Variants in ZBTB20 observed in about 807,000 individuals in gnomAD.
ZBTB20 encodes the protein zinc finger and BTB domain-containing protein 20.
Under a neutral mutation model 56.9 loss-of-function variants are expected in ZBTB20, and 9 were observed. The observed-to-expected ratio is 0.16, with a 90% CI of 0.10 to 0.28. The LOEUF (loss-of-function observed/expected upper bound fraction) is 0.28. ZBTB20 is among the 10% of genes least tolerant of loss of function. The probability of loss-of-function intolerance (pLI) is 1.00; values close to 1 mark genes in which losing one functional copy is unlikely to be tolerated. For synonymous variants in ZBTB20, 417 were observed against 420.7 expected (o/e 0.99, Z 0.11); for missense variants, 655 against 1,003.0 (o/e 0.65, Z 4.69).
At chr3:114,570,379 T>C (rs1224736249) in intron 6 of ZBTB20, among the ~76,000 whole-genome samples, 1 of 151,158 alleles carries the variant, frequency 6.6e-6, no homozygotes, top group Admixed American at 6.6e-5. Context: ...ATAAATACAG[T>C]ATGAAATACA....
At chr3:114,371,841 C>T (rs539410089) in intron 10 of ZBTB20, among the ~76,000 whole-genome samples, 3 of 151,654 alleles carry the variant, frequency 2.0e-5, no homozygotes, top group South Asian at 2.1e-4. Flanking sequence ...TTTAATCTTG[C>T]ACTGCTGATA....
chr3:114,693,705 G>A (rs1388863712), intron 5 of ZBTB20, 130 bp from the exon 6 acceptor site: 1 of 152,076 alleles, frequency 6.6e-6, no homozygotes, highest in African/African-American at 2.4e-5. Context: ...TATATAAAAA[G>A]TAAAGGATGT....
intron 4 of ZBTB20, among the ~76,000 whole-genome samples, chr3:114,890,601 G>C (rs989099103): frequency 4.6e-5 from 7 of 152,116 alleles, no homozygotes; most frequent in Non-Finnish European, 7.3e-5. Context: ...GGCCTGTCCT[G>C]GGGTGGGGAG....
intron 7 of ZBTB20, among the ~76,000 whole-genome samples, chr3:114,417,879 T>C (rs1409547605): frequency 1.3e-5 from 2 of 152,092 alleles, no homozygotes; most frequent in Non-Finnish European, 2.9e-5. Flanking sequence ...AAACTAATGA[T>C]GCAAACCAGA....
rs140803602 is a variant in ZBTB20 at position 114,767,244 on chromosome 3, T to A, written c.-343+33857A>T. ...GTTAAAAACGAAGATAAGGAATAGG[T>A]TTTGCATAGATACTACCTTTTTTCC... is the stretch of plus-strand genomic sequence containing the variant. On this transcript the variant is annotated intron_variant, in intron 5 of 11. Coordinates refer to ENST00000675478, the MANE Select transcript of ZBTB20 (RefSeq NM_001348800.3). Among the ~76,000 whole-genome samples, 14 of 152,138 alleles carry A rather than the reference T, an allele frequency of 9.2e-5. No individual in the cohort carries two copies. The East Asian group carries it at 2.7e-3, about 29-fold the overall frequency.
chr3:114,553,506 T>C (rs1335081747), intron 6 of ZBTB20, among the ~76,000 whole-genome samples: 1 of 152,158 alleles, frequency 6.6e-6, no homozygotes, highest in Non-Finnish European at 1.5e-5. Flanking sequence ...CCTTTTCTGA[T>C]GCTATAGAGA....
chr3:114,597,308 T>A (rs371920922), intron 6 of ZBTB20, among the ~76,000 whole-genome samples: 1 of 152,178 alleles, frequency 6.6e-6, no homozygotes, highest in Non-Finnish European at 1.5e-5. Flanking sequence ...CAGGAAAATA[T>A]ACGAGTCAGT....
At chr3:114,564,583 T>C (rs986407250) in intron 6 of ZBTB20, among the ~76,000 whole-genome samples, 2 of 152,226 alleles carry the variant, frequency 1.3e-5, no homozygotes, top group Non-Finnish European at 2.9e-5. Context: ...CTTTGGTTTG[T>C]AGAACCAGAT....
chr3:114,414,681 T>G (rs996518221), intron 7 of ZBTB20, among the ~76,000 whole-genome samples: 4 of 149,228 alleles, frequency 2.7e-5, no homozygotes, highest in Non-Finnish European at 4.4e-5. Context: ...GTTATTTTTA[T>G]ATGAAACAAC....
intron 8 of ZBTB20, among the ~76,000 whole-genome samples, chr3:114,384,678 C>T (rs1287113097): frequency 6.6e-6 from 1 of 152,186 alleles, no homozygotes; most frequent in Non-Finnish European, 1.5e-5. Flanking sequence ...CCAGCAGAGC[C>T]TTCTGGTTTT....
intron 6 of ZBTB20, among the ~76,000 whole-genome samples, chr3:114,632,459 C>T (rs780114385): frequency 7.2e-5 from 11 of 152,102 alleles, no homozygotes; most frequent in Non-Finnish European, 4.4e-5. Context: ...TTTTAGTTTG[C>T]CCTTCTGTTC....
intron 4 of ZBTB20, among the ~76,000 whole-genome samples, chr3:114,845,641 A>C (rs1390279992): frequency 6.6e-6 from 1 of 151,808 alleles, no homozygotes; most frequent in Non-Finnish European, 1.5e-5. Flanking sequence ...TGTCCCCAAA[A>C]CCATTATCTG....
At chr3:114,968,305 A>G (rs2077732710) in intron 3 of ZBTB20, among the ~76,000 whole-genome samples, 1 of 152,224 alleles carries the variant, frequency 6.6e-6, no homozygotes, top group Non-Finnish European at 1.5e-5. Flanking sequence ...AAAAGGTCAA[A>G]CCTTATAATT....
chr3:114,789,088 G>T (rs887544410), intron 5 of ZBTB20, among the ~76,000 whole-genome samples: 1 of 152,088 alleles, frequency 6.6e-6, no homozygotes, highest in African/African-American at 2.4e-5. Context: ...ACCATATCAG[G>T]GGACCTTTCA....
At chr3:114,953,914 T>C (rs2077159715) in intron 3 of ZBTB20, among the ~76,000 whole-genome samples, 1 of 152,130 alleles carries the variant, frequency 6.6e-6, no homozygotes, top group Non-Finnish European at 1.5e-5. Flanking sequence ...ATTTTTAGGT[T>C]AACATGAGTA....
At chr3:114,832,058 T>C (rs186543108) in intron 4 of ZBTB20, among the ~76,000 whole-genome samples, 104 of 152,244 alleles carry the variant, frequency 6.8e-4, no homozygotes, top group Non-Finnish European at 1.4e-3. Context: ...TGAGAGTCTA[T>C]AGACAGGTCT....
At chr3:114,883,916 C>CTTTTTTTTTTTTT (rs869141975) in intron 4 of ZBTB20, among the ~76,000 whole-genome samples, 1 of 89,774 alleles carries the variant, frequency 1.1e-5, no homozygotes, top group African/African-American at 4.0e-5. Flanking sequence ...ATGGTGTGTT[C>CTTTTTTTTTTTTT]TTTTTTTTTT....
At chr3:115,039,432 G>C (rs763893221) in intron 2 of ZBTB20, among the ~76,000 whole-genome samples, 1 of 151,944 alleles carries the variant, frequency 6.6e-6, no homozygotes, top group Non-Finnish European at 1.5e-5. Flanking sequence ...GAGAATACTA[G>C]ATACAGGTTT....
chr3:115,025,383 AT>A (rs1304281912), intron 2 of ZBTB20, among the ~76,000 whole-genome samples: 1 of 151,268 alleles, frequency 6.6e-6, no homozygotes, highest in East Asian at 1.9e-4. Context: ...TGACTTTGCT[AT>A]TGTGAATAGT....
Sources: gnomAD v4.1 joint callset for allele counts (sites outside exome capture counted in the v4.1 genomes callset) on GRCh38, gnomAD v4.1.1 for gene constraint, MANE v1.5 for transcripts, NCBI Gene and HGNC (gene_info 2026-07-23, HGNC 2026-07-21) for gene names.